MRI1: variants seen among roughly 807,000 people sequenced by gnomAD.
MRI1 encodes the protein methylthioribose-1-phosphate isomerase.
Under a neutral mutation model 27.3 loss-of-function variants are expected in MRI1, and 32 were observed. The observed-to-expected ratio is 1.17, with a 90% confidence interval of 0.88 to 1.57. The LOEUF is 1.57. Among genes scored for constraint, MRI1 ranks in the 40% most tolerant of loss-of-function variants. MRI1 has a pLI of 0.00. For synonymous variants in MRI1, 216 were observed against 227.4 expected, an observed-to-expected ratio of 0.95 and a Z score of 0.45; for missense variants, 508 against 516.1, an observed-to-expected ratio of 0.98 and a Z score of 0.15.
At chr19:13,768,795 C>T (rs2145200106) in intron 4 of MRI1, 29 bp from the exon 5 acceptor site, 1 of 1,592,862 alleles carries the variant, frequency 6.3e-7, no homozygotes, top group South Asian at 1.1e-5. Flanking sequence ...AGGTAATGAC[C>T]CCCAACTTCT....
intron 5 of MRI1, among the ~76,000 whole-genome samples, chr19:13,770,916 A>G (rs367904873): frequency 6.6e-6 from 1 of 151,978 alleles, no homozygotes; most frequent in Non-Finnish European, 1.5e-5. Flanking sequence ...TTCATGAAAT[A>G]TTAGCATGAA....
intron 3 of MRI1, 76 bp downstream of exon 3, chr19:13,766,205 C>T (rs1420021947): frequency 2.2e-6 from 3 of 1,367,208 alleles, no homozygotes; most frequent in African/African-American, 1.5e-5. Context: ...AATCCCAAAC[C>T]CAAACCACTT....
rs879488097 is a variant in MRI1, at chr19:13,772,554, C to T, written c.*273C>T. 26 of 278,706 alleles carry T rather than the reference C, an allele frequency of 9.3e-5. No homozygotes were observed. The highest frequency in any genetic ancestry group is 1.3e-4 in the African/African-American group (6 of 45,218). The allele number at this position is 278,706 out of a possible 1,614,324, so 17.3% of individuals were successfully genotyped here. ...TATAAAATGTGGATAACAGGCCGGGCGCAGTGGCTCACACCTGTAATCCCA... is the reference window on the plus strand; with the variant it reads ...TATAAAATGTGGATAACAGGCCGGGTGCAGTGGCTCACACCTGTAATCCCA... On this transcript the variant is annotated 3_prime_UTR_variant, in exon 6 of 6. Coordinates refer to ENST00000040663, the MANE Select transcript of MRI1 (RefSeq NM_001031727.4).
At chr19:13,765,735 T>C (rs971088395) in intron 2 of MRI1, among the ~76,000 whole-genome samples, 6 of 152,260 alleles carry the variant, frequency 3.9e-5, no homozygotes, top group Non-Finnish European at 7.3e-5. Context: ...GATTTTTGTC[T>C]TGTTTACTGC....
At chr19:13,768,392 G>A in intron 3 of MRI1, 169 bp from the exon 4 acceptor site, 5 of 1,532,386 alleles carry the variant, frequency 3.3e-6, no homozygotes, top group Non-Finnish European at 4.4e-6. Flanking sequence ...ATTGGGAAGA[G>A]CATACCAGGC....
intron 5 of MRI1, among the ~76,000 whole-genome samples, chr19:13,770,977 A>G (rs1599557680): frequency 6.6e-6 from 1 of 152,224 alleles, no homozygotes; most frequent in East Asian, 1.9e-4. Context: ...CTGAAATCCC[A>G]GTATTTTGGG....
chr19:13,773,442 CAT>C lies in MRI1; in HGVS notation c.*1163_*1164del, dbSNP rs1599560481. 6.6e-6 allele frequency: 1 copy of C among 151,966 alleles called. No homozygotes were observed. The allele number at this position is 151,966 out of a possible 1,614,324, so 9.4% of individuals were successfully genotyped here. On this transcript the variant is annotated 3_prime_UTR_variant, in exon 6 of 6. Transcript: ENST00000040663. ...AGGTGTTTGAGACCAGTTTGGGTAA[CAT>C]AGGAAGAGCTTGTCTCTACAAACAA...
intron 1 of MRI1, 72 bp downstream of exon 1, chr19:13,764,792 G>A (rs1204164662): frequency 1.7e-6 from 2 of 1,144,620 alleles, no homozygotes. Context: ...GCGGGGCGGC[G>A]GGGCGGCGGG....
At chr19:13,769,648 G>A (rs1000111408) in intron 5 of MRI1, among the ~76,000 whole-genome samples, 1 of 152,136 alleles carries the variant, frequency 6.6e-6, no homozygotes, top group African/African-American at 2.4e-5. Context: ...ACGGCCAGGC[G>A]AGGTGGCTCA....
At chr19:13,765,875 G>A (rs2145190929) in intron 2 of MRI1, 79 bp from the exon 3 acceptor site, 2 of 1,464,128 alleles carry the variant, frequency 1.4e-6, no homozygotes, top group Non-Finnish European at 9.2e-7. Flanking sequence ...CTCCAGGACA[G>A]CAGCGTTAGG....
At chr19:13,768,163 C>G (rs1974182528) in intron 3 of MRI1, among the ~76,000 whole-genome samples, 1 of 152,074 alleles carries the variant, frequency 6.6e-6, no homozygotes, top group African/African-American at 2.4e-5. Flanking sequence ...CCACCACGCC[C>G]AGCCCAAATA....
In MRI1 at chr19:13,764,665, G is replaced by A. The variant is rs780550007; in HGVS notation, c.77G>A (p.Arg26His). The change falls in exon 1 of 6, where the codon CGC becomes CAC. Residue 26 changes from arginine (R) to histidine (H), a missense_variant. Coordinates refer to ENST00000040663, the MANE Select transcript of MRI1 (RefSeq NM_001031727.4). ...LDQLLLPKQSRYEAVGSVHQA... is the reference protein window; with the variant it reads ...LDQLLLPKQSHYEAVGSVHQA... ...CAGCTGCTGCTGCCCAAGCAGAGCC[G>A]CTACGAGGCGGTGGGCTCGGTGCAC... 36 of 1,599,904 alleles carry A rather than the reference G, an allele frequency of 2.3e-5. No homozygotes were observed. Among genetic ancestry groups the A allele is most frequent in the Non-Finnish European group, 2.9e-5 (34 of 1,175,950 alleles).
chr19:13,764,784 G>T (rs1292211848), intron 1 of MRI1, 64 bp downstream of exon 1: 39 of 1,068,142 alleles, frequency 3.7e-5, no homozygotes, highest in African/African-American at 6.7e-5. Flanking sequence ...GCGGGGCGGC[G>T]GGGCGGCGGG....
At chr19:13,768,240 T>G in intron 3 of MRI1, 3 of 695,830 alleles carry the variant, frequency 4.3e-6, no homozygotes, top group Non-Finnish European at 7.8e-6. Context: ...CCTGTACACA[T>G]GAGGTGTTAG....
In MRI1 at chr19:13,769,042, G is replaced by A. The variant is rs1184666906; in HGVS notation, c.943G>A (p.Ala315Thr). The A allele has an allele frequency of 2.5e-6, 4 of 1,605,738 alleles. No homozygotes were observed. The Admixed American group carries it at 5.0e-5, about 20-fold the overall frequency. The change falls in exon 5 of 6, where the codon GCA (alanine) becomes ACA (threonine). Residue 315 changes from alanine to threonine, a missense_variant. Around this residue, in one of 3 missense-constraint regions of MRI1, gnomAD observed 457 missense variants for 452.8 expected, o/e 1.01. Transcript: ENST00000040663. ...LTDVNGVRIAAPGIGVWNPAF... is the reference protein window; with the variant it reads ...LTDVNGVRIATPGIGVWNPAF... ...CGATGTTAATGGGGTCCGGATTGCA[G>A]CACCTGGTAAGCTGCCCCCTCAGAA...
chr19:13,764,947 C>G lies in MRI1; in HGVS notation c.209C>G (p.Pro70Arg), dbSNP rs1302757867. 2.7e-6 allele frequency: 4 copies of G among 1,504,364 alleles called. No homozygotes were observed. Among genetic ancestry groups the G allele is most frequent in the African/African-American group, 1.4e-5 (1 of 69,570 alleles). 93.2% of individuals were successfully genotyped at this position (1,504,364 alleles called of 1,614,324 possible). A position where few individuals can be genotyped will look rare whatever the true frequency, so the allele number is the denominator to read the frequency against. Residue 70 changes from proline (P) to arginine (R), a missense_variant, in exon 2 of 6, where the codon CCG becomes CGG. By Grantham distance (103) the Pro-to-Arg change is moderately radical. Coordinates refer to ENST00000040663, the MANE Select transcript of MRI1 (RefSeq NM_001031727.4). ...GAGCTGCAGGCGGGCGCCGGGGGACCGGGACTCGCCGCGCTCGTGGCCTTC... is the reference window on the plus strand; with the variant it reads ...GAGCTGCAGGCGGGCGCCGGGGGACGGGGACTCGCCGCGCTCGTGGCCTTC... ...AVELQAGAGG[P>R]GLAALVAFVR...
At chr19:13,767,833 G>T (rs527566403) in intron 3 of MRI1, among the ~76,000 whole-genome samples, 14 of 135,160 alleles carry the variant, frequency 1.0e-4, no homozygotes, top group African/African-American at 3.6e-4. Context: ...GGGTTCCAGC[G>T]ATTCTTTTCA....
Position 13,764,984 on chromosome 19 carries a change from G to T in MRI1, c.246G>T (p.Lys82Asn). 1 of 1,520,624 alleles carries T rather than the reference G, an allele frequency of 6.6e-7. No homozygotes were observed. The highest frequency in any genetic ancestry group is 2.6e-5 in the East Asian group (1 of 38,598). 94.2% of individuals were successfully genotyped at this position (1,520,624 alleles called of 1,614,324 possible). A position where few individuals can be genotyped will look rare whatever the true frequency, so the allele number is the denominator to read the frequency against. Reference sequence around the variant, plus strand: ...CGCTCGTGGCCTTCGTGCGCGACAAGCTGAGCTTCCTCGTCACCGCCCGGC... The same window carrying T: ...CGCTCGTGGCCTTCGTGCGCGACAATCTGAGCTTCCTCGTCACCGCCCGGC... ...LAALVAFVRD[K>N]LSFLVTARPT... The change falls in exon 2 of 6, where the codon AAG (lysine) becomes AAT (asparagine). Residue 82 changes from lysine to asparagine, a missense_variant. Lys to Asn is a moderately conservative substitution (Grantham distance 94, BLOSUM62 0). Coordinates refer to ENST00000040663, the MANE Select transcript of MRI1 (RefSeq NM_001031727.4).
chr19:13,772,098 T>G, intron 5 of MRI1, 23 bp from the exon 6 acceptor site: 1 of 1,581,632 alleles, frequency 6.3e-7, no homozygotes, highest in Non-Finnish European at 8.6e-7. Context: ...CTTGCCTCCT[T>G]GCCTCCCCTC....
Sources: allele counts gnomAD v4.1 joint callset (sites outside exome capture counted in the v4.1 genomes callset), GRCh38; gene constraint gnomAD v4.1.1; regional missense constraint gnomAD v4.1.1; transcripts MANE v1.5; gene names NCBI Gene and HGNC (gene_info 2026-07-23, HGNC 2026-07-21).